LRRC49: variants seen among roughly 807,000 people sequenced by gnomAD.
LRRC49 encodes the protein leucine rich repeat containing 49.
Under a neutral mutation model 83.3 loss-of-function variants are expected in LRRC49, and 50 were observed. The ratio of observed to expected loss-of-function variants is 0.60; its 90% CI spans 0.48 to 0.76. The LOEUF is 0.76. LRRC49 is among the 30% of genes least tolerant of loss of function. The probability of loss-of-function intolerance (pLI) is 0.00; values close to 1 mark genes in which losing one functional copy is unlikely to be tolerated. For missense variants in LRRC49, 704 were observed against 809.1 expected (o/e 0.87, Z 1.58); for synonymous variants, 286 against 283.3 (o/e 1.01, Z -0.10).
intron 14 of LRRC49, among the ~76,000 whole-genome samples, chr15:71,030,356 T>A (rs1389541423): frequency 6.6e-6 from 1 of 152,236 alleles, no homozygotes; most frequent in Non-Finnish European, 1.5e-5. Context: ...CACTCTCTTC[T>A]GGCTTTCAGG....
intron 8 of LRRC49, among the ~76,000 whole-genome samples, chr15:70,940,469 G>GCCAGGATGGTCTCGATCT (rs202036496): frequency 0.049 from 7,416 of 152,054 alleles, 605 homozygotes; most frequent in African/African-American, 0.17. Context: ...CACTGTGTTA[G>GCCAGGATGGTCTCGATCT]CCTGACCTCG....
intron 11 of LRRC49, among the ~76,000 whole-genome samples, chr15:71,005,950 T>C (rs1271845326): frequency 6.6e-6 from 1 of 152,120 alleles, no homozygotes; most frequent in Non-Finnish European, 1.5e-5. Context: ...GAGGAGCAAA[T>C]TTGTAAACAT....
chr15:70,940,140 A>G (rs527708280), intron 8 of LRRC49, among the ~76,000 whole-genome samples: 257 of 152,256 alleles, frequency 1.7e-3, no homozygotes, highest in Non-Finnish European at 2.9e-3. Context: ...ATATTTCTAG[A>G]AAAGAATCTA....
At chr15:70,920,441 A>C (rs1293139912) in intron 7 of LRRC49, among the ~76,000 whole-genome samples, 1 of 152,182 alleles carries the variant, frequency 6.6e-6, no homozygotes, top group Admixed American at 6.5e-5. Flanking sequence ...TGGACTGTTT[A>C]TTTAGAAGAC....
At chr15:70,997,296 T>C (rs566264613) in intron 11 of LRRC49, among the ~76,000 whole-genome samples, 1 of 152,230 alleles carries the variant, frequency 6.6e-6, no homozygotes, top group Admixed American at 6.5e-5. Flanking sequence ...CTTCCTTGAC[T>C]CTCATAAAAA....
chr15:70,872,266 G>A (rs1353032261), intron 1 of LRRC49, among the ~76,000 whole-genome samples: 2 of 152,228 alleles, frequency 1.3e-5, no homozygotes, highest in Non-Finnish European at 2.9e-5. Context: ...GTGGCAGCAC[G>A]CGCCTGCAAT....
intron 1 of LRRC49, chr15:70,860,114 C>T: frequency 1.4e-6 from 1 of 707,588 alleles, no homozygotes; most frequent in Non-Finnish European, 2.5e-6. Flanking sequence ...AGATTGAGAC[C>T]CGTGATGGGA....
At chr15:70,870,935 G>A (rs2033013306) in intron 1 of LRRC49, among the ~76,000 whole-genome samples, 2 of 137,672 alleles carry the variant, frequency 1.5e-5, no homozygotes, top group South Asian at 5.0e-4. Flanking sequence ...GACTGATTCT[G>A]CCATGCTTAG....
intron 15 of LRRC49, among the ~76,000 whole-genome samples, chr15:71,046,712 C>A (rs540222339): frequency 1.3e-5 from 2 of 152,168 alleles, no homozygotes; most frequent in South Asian, 4.2e-4. Context: ...AATTAAGTCC[C>A]ATTTGTCTAT....
At chr15:70,862,353 C>T (rs1170749618) in intron 1 of LRRC49, among the ~76,000 whole-genome samples, 3 of 152,022 alleles carry the variant, frequency 2.0e-5, no homozygotes, top group African/African-American at 4.8e-5. Flanking sequence ...CCGAGGCGGG[C>T]GTATCACAAG....
At chr15:70,968,515 G>T (rs2036875983) in intron 9 of LRRC49, among the ~76,000 whole-genome samples, 1 of 152,134 alleles carries the variant, frequency 6.6e-6, no homozygotes, top group African/African-American at 2.4e-5. Flanking sequence ...GGATTGCTGG[G>T]TCAAATGGTA....
intron 1 of LRRC49, chr15:70,858,852 G>T: frequency 1.3e-6 from 1 of 764,756 alleles, no homozygotes; most frequent in East Asian, 2.5e-5. Context: ...GCAGCTTCTG[G>T]GGTGGCCTGG....
rs550000985 is a variant in LRRC49, at chr15:71,034,795, A to G, written c.1704-2384A>G. Among the ~76,000 whole-genome samples, 38 of 152,362 alleles carry G rather than the reference A, an allele frequency of 2.5e-4. No individual in the cohort carries two copies. In the South Asian group the frequency reaches 5.8e-3, roughly 23 times the overall value. On this transcript the variant is annotated intron_variant, in intron 14 of 15. Transcript: ENST00000260382. The stretch of plus-strand genomic sequence containing the variant: ...AGCCTCAGCGGACTAACACAGGAAC[A>G]GACAACCAAACACCACATGTTCTCA...
chr15:70,979,104 A>G (rs1056276396), intron 9 of LRRC49, among the ~76,000 whole-genome samples: 5 of 152,116 alleles, frequency 3.3e-5, no homozygotes, highest in Non-Finnish European at 7.4e-5. Flanking sequence ...ATGAAAATTA[A>G]AAGTTACGTG....
At chr15:71,007,665 C>T (rs1228904407) in intron 11 of LRRC49, among the ~76,000 whole-genome samples, 1 of 147,868 alleles carries the variant, frequency 6.8e-6, no homozygotes, top group African/African-American at 2.5e-5. Context: ...TGGCTTCTAC[C>T]TTGGAAATAA....
In LRRC49 at chr15:70,862,977, G is replaced by A. The variant is rs75962683; in HGVS notation, c.-299+9508G>A. Reference sequence around the variant, plus strand: ...CACAGCACGAGGATGCTTGGCATAGGGGATAAAGGGATGAAATGACTGCCT... The same window carrying A: ...CACAGCACGAGGATGCTTGGCATAGAGGATAAAGGGATGAAATGACTGCCT... On this transcript the variant is annotated intron_variant, in intron 1 of 16. Coordinates refer to the LRRC49 transcript ENST00000544974. Among the ~76,000 whole-genome samples the A allele has an allele frequency of 4.7e-3, 719 of 152,274 alleles. 2 individuals carry two copies. The highest frequency in any genetic ancestry group is 0.01 in the Middle Eastern group (3 of 294).
chr15:70,906,789 A>G (rs539294141), intron 5 of LRRC49, among the ~76,000 whole-genome samples: 3 of 152,364 alleles, frequency 2.0e-5, no homozygotes, highest in African/African-American at 7.2e-5. Flanking sequence ...TTAGTGAAGT[A>G]AAAGCAATCT....
intron 11 of LRRC49, among the ~76,000 whole-genome samples, chr15:71,003,738 C>G (rs2038349376): frequency 6.6e-6 from 1 of 152,154 alleles, no homozygotes; most frequent in South Asian, 2.1e-4. Flanking sequence ...TACATACAAG[C>G]AAACTGAAAC....
intron 6 of LRRC49, among the ~76,000 whole-genome samples, chr15:70,914,440 G>C (rs1429983449): frequency 6.6e-6 from 1 of 152,162 alleles, no homozygotes; most frequent in East Asian, 1.9e-4. Context: ...ATGGTGTTCA[G>C]GAAATGGATT....
Sources: allele counts gnomAD v4.1 joint callset (sites outside exome capture counted in the v4.1 genomes callset), GRCh38; gene constraint gnomAD v4.1.1; transcripts MANE v1.5; gene names NCBI Gene and HGNC (gene_info 2026-07-23, HGNC 2026-07-21).